Variants in LRPPRC observed in about 807,000 individuals in gnomAD.
LRPPRC encodes the protein leucine rich pentatricopeptide repeat containing, also known as leucine-rich PPR motif-containing protein, mitochondrial.
A neutral mutation model predicts 180.3 loss-of-function variants in LRPPRC; 120 were observed. The observed-to-expected ratio is 0.67, with a 90% CI of 0.57 to 0.77. LRPPRC has a LOEUF of 0.77. Among genes scored for constraint, LRPPRC ranks in the 30% least tolerant of loss-of-function variants. LRPPRC has a pLI of 0.00. For synonymous variants in LRPPRC, 723 were observed against 600.0 expected (o/e 1.21, Z -3.00); for missense variants, 2,012 against 1,657.2 (o/e 1.21, Z -3.72).
chr2:43,979,741 C>T (rs1674219777), intron 3 of LRPPRC, 85 bp downstream of exon 3: 5 of 1,200,134 alleles, frequency 4.2e-6, no homozygotes, highest in Middle Eastern at 2.1e-4. Flanking sequence ...AACTGAATTA[C>T]AGCATTTATG....
chr2:43,917,042 CTTT>C (rs1206227556), intron 29 of LRPPRC, among the ~76,000 whole-genome samples: 11 of 119,024 alleles, frequency 9.2e-5, no homozygotes, highest in African/African-American at 3.5e-4. Context: ...ACTAGATTTG[CTTT>C]TTTTTTTTTT....
rs758204369 is a variant in LRPPRC, at chr2:43,976,215, A to C, written c.665T>G (p.Phe222Cys). The change falls in exon 6 of 38, where the codon TTT becomes TGT. Residue 222 changes from phenylalanine (F) to cysteine (C), a missense_variant. Coordinates refer to ENST00000260665, the MANE Select transcript of LRPPRC (RefSeq NM_133259.4). ...DIEGASKILG[F>C]MKTKDLPVTE... ...AACTGGGAGATCCTTAGTTTTCATA[A>C]ATCCAAGAATCTTGCTGCAAAGGAA... 1 of 1,605,974 alleles carries C rather than the reference A, an allele frequency of 6.2e-7. No individual in the cohort carries two copies. The highest frequency in any genetic ancestry group is 8.5e-7 in the Non-Finnish European group (1 of 1,172,628).
intron 23 of LRPPRC, among the ~76,000 whole-genome samples, chr2:43,941,837 T>TAAAAAAAAAAAAAAAAAAAAAAAGAAA (rs35278650): frequency 1.1e-5 from 1 of 92,860 alleles, no homozygotes; most frequent in African/African-American, 4.0e-5. Context: ...CAAAGTAGTC[T>TAAAAAAAAAAAAAAAAAAAAAAAGAAA]AAAAAAAAAA....
chr2:43,910,976 T>C (rs1416039509), intron 30 of LRPPRC, among the ~76,000 whole-genome samples: 1 of 152,072 alleles, frequency 6.6e-6, no homozygotes, highest in Non-Finnish European at 1.5e-5. Context: ...TGCTTCTCTT[T>C]TTTCTGGCTC....
chr2:43,985,622 T>C (rs927269590), intron 1 of LRPPRC, among the ~76,000 whole-genome samples: 2 of 152,216 alleles, frequency 1.3e-5, no homozygotes, highest in African/African-American at 4.8e-5. Flanking sequence ...CACCTAGCAA[T>C]ACACATTTAA....
At chr2:43,963,838 G>A in intron 11 of LRPPRC, 132 bp from the exon 12 acceptor site, 2 of 731,096 alleles carry the variant, frequency 2.7e-6, no homozygotes, top group Non-Finnish European at 4.9e-6. Context: ...TGTCTAAAAG[G>A]CAGAAAAGAA....
intron 12 of LRPPRC, among the ~76,000 whole-genome samples, chr2:43,961,747 G>C (rs1157510420): frequency 6.6e-6 from 1 of 152,222 alleles, no homozygotes; most frequent in Non-Finnish European, 1.5e-5. Flanking sequence ...GATCACCTAA[G>C]ATTAGGAGTT....
chr2:43,939,867 T>C (rs868096067), intron 23 of LRPPRC, among the ~76,000 whole-genome samples: 8 of 152,332 alleles, frequency 5.3e-5, no homozygotes, highest in Non-Finnish European at 7.4e-5. Context: ...CAATTGAGTC[T>C]AAACTGGAAG....
chr2:43,953,310 C>G (rs1185002823), intron 14 of LRPPRC, among the ~76,000 whole-genome samples: 2 of 152,104 alleles, frequency 1.3e-5, no homozygotes, highest in Non-Finnish European at 2.9e-5. Context: ...ATGAAAAATG[C>G]CAAGTTACCA....
At chr2:43,992,442 A>G (rs1572593173) in intron 1 of LRPPRC, among the ~76,000 whole-genome samples, 2 of 152,164 alleles carry the variant, frequency 1.3e-5, no homozygotes, top group South Asian at 4.1e-4. Flanking sequence ...CATGGGAGGG[A>G]ACTCAGAAGA....
intron 1 of LRPPRC, among the ~76,000 whole-genome samples, chr2:43,985,364 T>C (rs1237129952): frequency 1.3e-5 from 2 of 152,206 alleles, no homozygotes; most frequent in African/African-American, 4.8e-5. Context: ...CCAAAGTCCA[T>C]AATTTACATT....
intron 1 of LRPPRC, among the ~76,000 whole-genome samples, chr2:43,992,364 A>G (rs968453895): frequency 6.6e-6 from 1 of 152,176 alleles, no homozygotes; most frequent in Non-Finnish European, 1.5e-5. Context: ...CATGCTCACT[A>G]GAGTTTGAGA....
intron 14 of LRPPRC, among the ~76,000 whole-genome samples, chr2:43,957,093 A>G (rs1412145581): frequency 3.9e-5 from 6 of 152,232 alleles, no homozygotes; most frequent in Non-Finnish European, 8.8e-5. Context: ...AGCTGAACAT[A>G]CATATGCAAA....
At chr2:43,895,520 T>C (rs1303868433) in intron 35 of LRPPRC, among the ~76,000 whole-genome samples, 1 of 152,236 alleles carries the variant, frequency 6.6e-6, no homozygotes, top group African/African-American at 2.4e-5. Context: ...CAAGTGCTTT[T>C]CAGATTCCTT....
chr2:43,896,414 C>A, intron 35 of LRPPRC: 1 of 456,890 alleles, frequency 2.2e-6, no homozygotes. Context: ...GCTCTCAATG[C>A]ATACCTGTGT....
intron 1 of LRPPRC, among the ~76,000 whole-genome samples, chr2:43,992,291 TCC>T (rs1307135632): frequency 6.6e-6 from 1 of 151,552 alleles, no homozygotes; most frequent in Non-Finnish European, 1.5e-5. Flanking sequence ...GCCTTACAGA[TCC>T]ACAGACAAGC....
At chr2:43,919,653 C>A (rs1671625976) in intron 27 of LRPPRC, among the ~76,000 whole-genome samples, 1 of 151,962 alleles carries the variant, frequency 6.6e-6, no homozygotes, top group Non-Finnish European at 1.5e-5. Context: ...TTTAGAAATT[C>A]TCATGGTTGG....
chr2:43,924,091 C>T (rs944092058), intron 27 of LRPPRC, among the ~76,000 whole-genome samples: 4 of 152,138 alleles, frequency 2.6e-5, no homozygotes, highest in Middle Eastern at 6.8e-3. Flanking sequence ...TTTACATCAT[C>T]GAGATGTAAA....
Position 43,888,535 on chromosome 2 carries a change from A to ACTT in LRPPRC, c.*62_*64dup. The ACTT allele has an allele frequency of 9.9e-7, 1 of 1,012,264 alleles. No homozygotes were observed. Among genetic ancestry groups the ACTT allele is most frequent in the South Asian group, 1.3e-5 (1 of 77,410 alleles). The allele number at this position is 1,012,264 out of a possible 1,614,324, so 62.7% of individuals were successfully genotyped here. ...TTTCATTTATTTTTCCCTCAGATAT[A>ACTT]CTTCAAAATAACATGTAGACACAGA... is the stretch of plus-strand genomic sequence containing the variant. On this transcript the variant is annotated 3_prime_UTR_variant, in exon 38 of 38. Coordinates refer to ENST00000260665, the MANE Select transcript of LRPPRC (RefSeq NM_133259.4).
Sources: allele counts gnomAD v4.1 joint callset (sites outside exome capture counted in the v4.1 genomes callset), GRCh38; gene constraint gnomAD v4.1.1; transcripts MANE v1.5; gene names NCBI Gene and HGNC (gene_info 2026-07-23, HGNC 2026-07-21).